Variants in ZBBX observed in about 807,000 individuals in gnomAD.
ZBBX encodes zinc finger B-box domain containing, also known as zinc finger B-box domain-containing protein 1.
In ZBBX, 101 loss-of-function variants were observed where a neutral mutation model predicts 108.5. That is an observed-to-expected ratio of 0.93 (90% CI 0.79 to 1.10). The LOEUF (loss-of-function observed/expected upper bound fraction) is 1.10. Ranked by LOEUF, ZBBX falls within the 50% of genes least tolerant of loss-of-function variation. The pLI, the probability that ZBBX is intolerant of heterozygous loss-of-function variation, is 0.00. For synonymous variants in ZBBX, 356 were observed against 323.4 expected (o/e 1.10, Z -1.08); for missense variants, 1,009 against 941.4 (o/e 1.07, Z -0.94).
At chr3:167,212,837 G>A in the ZBBX span, among the ~76,000 whole-genome samples, 2 of 152,112 alleles carry the variant, frequency 1.3e-5, no homozygotes, top group Non-Finnish European at 1.5e-5. Flanking sequence ...GAAATACAGA[G>A]GAGTCACAGA....
the ZBBX span, among the ~76,000 whole-genome samples, chr3:167,189,558 A>G: frequency 6.6e-6 from 1 of 152,218 alleles, no homozygotes; most frequent in East Asian, 1.9e-4. Context: ...TCCCAGAGTA[A>G]TAACTATCAA....
At chr3:167,391,044 G>A (rs1051709974) in intron 1 of ZBBX, among the ~76,000 whole-genome samples, 19 of 152,096 alleles carry the variant, frequency 1.2e-4, no homozygotes, top group African/African-American at 4.6e-4. Context: ...GGTGAGAGAG[G>A]GCATCCTTGT....
chr3:167,221,677 C>A, the ZBBX span, among the ~76,000 whole-genome samples: 2 of 151,654 alleles, frequency 1.3e-5, no homozygotes, highest in African/African-American at 2.4e-5. Context: ...GGGATCACAT[C>A]AATTTAAAAA....
chr3:167,219,209 C>T, the ZBBX span, among the ~76,000 whole-genome samples: 1 of 152,126 alleles, frequency 6.6e-6, no homozygotes, highest in African/African-American at 2.4e-5. Context: ...CCACTTTCAG[C>T]ATTACACAGA....
intron 17 of ZBBX, among the ~76,000 whole-genome samples, chr3:167,300,357 GA>G (rs889637664): frequency 2.0e-5 from 3 of 151,002 alleles, no homozygotes; most frequent in Non-Finnish European, 4.4e-5. Context: ...TCACCTAATT[GA>G]AAAAAAACAA....
chr3:167,281,179 G>A (rs553229664), intron 20 of ZBBX, among the ~76,000 whole-genome samples: 94 of 152,108 alleles, frequency 6.2e-4, no homozygotes, highest in Admixed American at 2.2e-3. Context: ...GGTGCAGCGC[G>A]CCAGCATGGC....
At chr3:167,341,678 A>G (rs1184031037) in intron 9 of ZBBX, among the ~76,000 whole-genome samples, 1 of 151,972 alleles carries the variant, frequency 6.6e-6, no homozygotes, top group East Asian at 1.9e-4. Context: ...ATTATGCACT[A>G]TATTAATTAT....
intron 11 of ZBBX, among the ~76,000 whole-genome samples, chr3:167,323,164 G>A (rs1736727449): frequency 1.4e-5 from 2 of 146,924 alleles, no homozygotes; most frequent in Admixed American, 1.4e-4. Flanking sequence ...CAAGTCATGA[G>A]AGAGAAGAAA....
At position 167,318,979 on chromosome 3, in the gene ZBBX, C is replaced by A. The variant is rs570230410; in HGVS notation, c.984-1382G>T. ...AAGTGTTGGCAGGGATTTGGAGCAA[C>A]CAGAACTCTCGTACCTTGCTGGAGC... On this transcript the variant is annotated intron_variant, in intron 12 of 21. Transcript: ENST00000675490. Among the ~76,000 whole-genome samples, 7 of 151,872 alleles carry A rather than the reference C, an allele frequency of 4.6e-5. No homozygotes were observed. The South Asian group carries it at 1.0e-3, about 22-fold the overall frequency.
intron 19 of ZBBX, 90 bp from the exon 20 acceptor site, chr3:167,282,585 AG>A: frequency 8.9e-7 from 1 of 1,122,422 alleles, no homozygotes; most frequent in Non-Finnish European, 1.3e-6. Flanking sequence ...CTGCACACAG[AG>A]AAGTTAAGTT....
chr3:167,193,024 G>A, the ZBBX span, among the ~76,000 whole-genome samples: 4 of 152,000 alleles, frequency 2.6e-5, no homozygotes, highest in Non-Finnish European at 5.9e-5. Flanking sequence ...CTTGCTGTTC[G>A]TTTTTGTGGG....
chr3:167,388,226 GAAC>G lies in ZBBX; in HGVS notation c.-445-7824_-445-7822del, dbSNP rs149479679. ...AAAGTCTGGAATGTTTCTAGAAGAGGAACATCAATATCCTAGGGTGGAACAAAT... is the reference window on the plus strand; with the variant it reads ...AAAGTCTGGAATGTTTCTAGAAGAGGATCAATATCCTAGGGTGGAACAAAT... On this transcript the variant is annotated intron_variant, in intron 1 of 21. Transcript: ENST00000455345. 5.7e-3 allele frequency among the ~76,000 whole-genome samples: 868 copies of G among 151,946 alleles called. 10 individuals are homozygous for G. Among genetic ancestry groups the G allele is most frequent in the African/African-American group, 0.02 (824 of 41,470 alleles).
At chr3:167,407,859 G>A (rs9823090), upstream of ZBBX, among the ~76,000 whole-genome samples, 21,293 of 151,832 alleles carry the variant, frequency 0.14, 1,622 homozygotes, top group East Asian at 0.29. Context: ...TTACTGATGC[G>A]CTCACAGACA....
At chr3:167,371,640 G>A (rs1004552470) in intron 4 of ZBBX, among the ~76,000 whole-genome samples, 8 of 152,222 alleles carry the variant, frequency 5.3e-5, no homozygotes, top group Non-Finnish European at 8.8e-5. Context: ...GTATAGACAC[G>A]TGGCCCTGAA....
chr3:167,183,478 G>A, the ZBBX span, among the ~76,000 whole-genome samples: 1 of 152,200 alleles, frequency 6.6e-6, no homozygotes, highest in African/African-American at 2.4e-5. Context: ...AGGAATTAAA[G>A]ACACACACAC....
chr3:167,313,202 C>A (rs1321567431), intron 16 of ZBBX, among the ~76,000 whole-genome samples: 1 of 152,172 alleles, frequency 6.6e-6, no homozygotes, highest in African/African-American at 2.4e-5. Context: ...CACATATGAA[C>A]ACAGCATTCT....
chr3:167,225,574 T>G, the ZBBX span, among the ~76,000 whole-genome samples: 1 of 151,820 alleles, frequency 6.6e-6, no homozygotes, highest in African/African-American at 2.4e-5. Context: ...TAATCTGACT[T>G]GGATCATAAC....
chr3:167,214,790 A>G, the ZBBX span, among the ~76,000 whole-genome samples: 1 of 152,124 alleles, frequency 6.6e-6, no homozygotes, highest in Admixed American at 6.6e-5. Context: ...AGCAAACACA[A>G]TCTCAGACCA....
At chr3:167,339,474 C>T (rs1740157477) in intron 9 of ZBBX, among the ~76,000 whole-genome samples, 1 of 152,060 alleles carries the variant, frequency 6.6e-6, no homozygotes, top group African/African-American at 2.4e-5. Context: ...AACTACATCA[C>T]CAAGAAGTAA....
Sources: allele counts gnomAD v4.1 joint callset (sites outside exome capture counted in the v4.1 genomes callset), GRCh38; gene constraint gnomAD v4.1.1; transcripts MANE v1.5; gene names NCBI Gene and HGNC (gene_info 2026-07-23, HGNC 2026-07-21).